Variants in RALGAPA2 observed in about 807,000 individuals in gnomAD.
RALGAPA2 encodes Ral GTPase activating protein catalytic subunit alpha 2.
RALGAPA2 carries 139 observed loss-of-function variants against 230.4 expected under a neutral mutation model. The ratio of observed to expected loss-of-function variants is 0.60; its 90% CI spans 0.53 to 0.69. RALGAPA2 has a LOEUF of 0.69. Among genes scored for constraint, RALGAPA2 ranks in the 30% least tolerant of loss-of-function variants. The pLI is 0.00. For synonymous variants in RALGAPA2, 847 were observed against 837.8 expected (o/e 1.01, Z -0.19); for missense variants, 2,163 against 2,276.0 (o/e 0.95, Z 1.01).
chr20:20,638,868 G>C (rs1033574061), intron 7 of RALGAPA2, among the ~76,000 whole-genome samples: 1 of 152,194 alleles, frequency 6.6e-6, no homozygotes, highest in African/African-American at 2.4e-5. Context: ...GAGCAGCCAA[G>C]TACTGAATCT....
chr20:20,619,344 A>T lies in RALGAPA2; in HGVS notation c.1472T>A (p.Met491Lys). ...CTCCTCTGTCACACACCCTCTGCTCATTGCACTTGTGAAGGAGTATGTGCG... is the reference window on the plus strand; with the variant it reads ...CTCCTCTGTCACACACCCTCTGCTCTTTGCACTTGTGAAGGAGTATGTGCG... ...WGRTYSFTSA[M>K]SRGCVTEEEN... The change falls in exon 12 of 40, where the codon ATG becomes AAG. Residue 491 changes from methionine to lysine, a missense_variant. Transcript: ENST00000202677. 6.2e-7 allele frequency: 1 copy of T among 1,612,362 alleles called. No homozygotes were observed. The highest frequency in any genetic ancestry group is 8.5e-7 in the Non-Finnish European group (1 of 1,178,898).
intron 3 of RALGAPA2, among the ~76,000 whole-genome samples, chr20:20,671,856 G>A (rs954692650): frequency 3.9e-5 from 6 of 152,108 alleles, no homozygotes; most frequent in South Asian, 2.1e-4. Flanking sequence ...GACAACAAAT[G>A]TAATTCTTAA....
chr20:20,582,033 T>C (rs1044269959), intron 20 of RALGAPA2, among the ~76,000 whole-genome samples: 1 of 151,614 alleles, frequency 6.6e-6, no homozygotes, highest in African/African-American at 2.4e-5. Context: ...AGACCACGAG[T>C]CTCTCCTGAC....
At chr20:20,512,300 T>C (rs1434501425) in intron 32 of RALGAPA2, among the ~76,000 whole-genome samples, 1 of 151,646 alleles carries the variant, frequency 6.6e-6, no homozygotes, top group Non-Finnish European at 1.5e-5. Flanking sequence ...ATATCCAACA[T>C]GTTTGGAATT....
intron 37 of RALGAPA2, chr20:20,472,620 A>G (rs981109069): frequency 5.0e-6 from 2 of 399,982 alleles, no homozygotes; most frequent in Admixed American, 4.3e-5. Context: ...TTATGAAAGT[A>G]AACTCTAAGT....
intron 3 of RALGAPA2, among the ~76,000 whole-genome samples, chr20:20,671,192 T>C (rs954766202): frequency 6.6e-6 from 1 of 152,188 alleles, no homozygotes; most frequent in Admixed American, 6.5e-5. Flanking sequence ...ATGTCTCCAA[T>C]ACTCTACATC....
Position 20,524,411 on chromosome 20 carries a change from A to G in RALGAPA2, c.3895T>C (p.Tyr1299His). The change falls in exon 30 of 40, where the codon TAC becomes CAC. Residue 1299 changes from tyrosine (Y) to histidine (H), a missense_variant. By Grantham distance (83) the Tyr-to-His change is moderately conservative. Transcript: ENST00000202677. ...SARAPLLDYI[Y>H]RVLHCCVCGS... ...AGGCCCAGGTGTAGACTCACCCTGT[A>G]GATATAATCCAGCAAGGGGGCTCTG... The G allele has an allele frequency of 6.2e-7, 1 of 1,613,498 alleles. No individual in the cohort carries two copies. The highest frequency in any genetic ancestry group is 8.5e-7 in the Non-Finnish European group (1 of 1,179,660).
At position 20,503,402 on chromosome 20, in the gene RALGAPA2, G is replaced by A; in HGVS notation, c.5157C>T (p.Phe1719=). 1 of 1,605,974 alleles carries A rather than the reference G, an allele frequency of 6.2e-7. No homozygotes were observed. The highest frequency in any genetic ancestry group is 8.5e-7 in the Non-Finnish European group (1 of 1,174,960). The part of the protein sequence containing the change: ...YYATSTVEVI[F]HVSTRMPSDS... Reference sequence around the variant, plus strand: ...CTGACGGCATTCGAGTGGAAACATGGAAAATCACTTCCACAGTTGAGGTAG... The same window carrying A: ...CTGACGGCATTCGAGTGGAAACATGAAAAATCACTTCCACAGTTGAGGTAG... The change falls in exon 35 of 40, where the codon TTC becomes TTT. Residue 1719 remains phenylalanine, a synonymous_variant. Transcript: ENST00000202677.
intron 1 of RALGAPA2, among the ~76,000 whole-genome samples, chr20:20,685,787 G>C (rs890494564): frequency 6.6e-6 from 1 of 152,172 alleles, no homozygotes; most frequent in African/African-American, 2.4e-5. Context: ...AGGGCTGTAG[G>C]GAAAAGGGAG....
intron 3 of RALGAPA2, among the ~76,000 whole-genome samples, chr20:20,663,325 A>G (rs1309053440): frequency 6.6e-6 from 1 of 152,162 alleles, no homozygotes; most frequent in East Asian, 1.9e-4. Flanking sequence ...TATGCTAGGG[A>G]GATATGTTTC....
At chr20:20,683,406 C>A (rs545682244) in intron 1 of RALGAPA2, among the ~76,000 whole-genome samples, 1 of 152,204 alleles carries the variant, frequency 6.6e-6, no homozygotes, top group Non-Finnish European at 1.5e-5. Context: ...GAACTCTTTA[C>A]CATGGCCGGG....
intron 37 of RALGAPA2, among the ~76,000 whole-genome samples, chr20:20,465,198 CTCTCTCAT>C: frequency 7.0e-6 from 1 of 143,306 alleles, no homozygotes; most frequent in African/African-American, 2.5e-5. Context: ...CACACACACA[CTCTCTCAT>C]ACTAGGGGAC....
intron 12 of RALGAPA2, among the ~76,000 whole-genome samples, chr20:20,617,223 A>T (rs914808319): frequency 6.6e-6 from 1 of 152,210 alleles, no homozygotes; most frequent in Admixed American, 6.5e-5. Context: ...AAAGTATTGT[A>T]TCAAAATAAA....
rs556958700 is a variant in RALGAPA2 at position 20,445,044 on chromosome 20, C to T, written c.5495+27785G>A. ...TGTCCCCAAAGTGCAAAAGTAGTGA[C>T]GCTGGCATATTGTCATAATTGTTAC... is the stretch of plus-strand genomic sequence containing the variant. On this transcript the variant is annotated intron_variant, in intron 37 of 39. Coordinates refer to ENST00000202677, the MANE Select transcript of RALGAPA2 (RefSeq NM_020343.4). Among the ~76,000 whole-genome samples, 194 of 152,254 alleles carry T rather than the reference C, an allele frequency of 1.3e-3. 1 individual carries two copies. The highest frequency in any genetic ancestry group is 6.8e-3 in the Middle Eastern group (2 of 294).
chr20:20,567,627 T>C (rs138006487), intron 23 of RALGAPA2, among the ~76,000 whole-genome samples: 61 of 152,308 alleles, frequency 4.0e-4, no homozygotes, highest in Non-Finnish European at 7.2e-4. Context: ...ATGTGAATTC[T>C]AACAGGCTTT....
chr20:20,655,488 G>C (rs966900055), intron 3 of RALGAPA2, among the ~76,000 whole-genome samples: 1 of 151,724 alleles, frequency 6.6e-6, no homozygotes, highest in African/African-American at 2.4e-5. Context: ...TAGTGGATAG[G>C]GACAGAAGGA....
intron 37 of RALGAPA2, among the ~76,000 whole-genome samples, chr20:20,452,198 A>G (rs1050175833): frequency 2.0e-5 from 3 of 152,246 alleles, no homozygotes; most frequent in Non-Finnish European, 2.9e-5. Flanking sequence ...GAAATTTAAA[A>G]TAACTTCAAT....
At chr20:20,525,055 C>G (rs867595253) in intron 28 of RALGAPA2, among the ~76,000 whole-genome samples, 157 bp from the exon 29 acceptor site, 6 of 152,192 alleles carry the variant, frequency 3.9e-5, no homozygotes, top group Non-Finnish European at 8.8e-5. Context: ...GTGTGGTGAT[C>G]TTGAAAATTA....
chr20:20,439,084 G>A (rs920786982), intron 37 of RALGAPA2, among the ~76,000 whole-genome samples: 44 of 152,154 alleles, frequency 2.9e-4, no homozygotes, highest in Admixed American at 2.9e-3. Flanking sequence ...CATGGAAACG[G>A]AGACTAGGAG....
Sources: gnomAD v4.1 joint callset for allele counts (sites outside exome capture counted in the v4.1 genomes callset) on GRCh38, gnomAD v4.1.1 for gene constraint, MANE v1.5 for transcripts, NCBI Gene and HGNC (gene_info 2026-07-23, HGNC 2026-07-21) for gene names.